Variants in RAB27B observed in about 807,000 individuals in gnomAD.
RAB27B encodes RAB27B, member RAS oncogene family, also known as ras-related protein Rab-27B.
Under a neutral mutation model 24.6 loss-of-function variants are expected in RAB27B, and 15 were observed. The observed-to-expected ratio is 0.61, with a 90% CI of 0.41 to 0.94. The LOEUF is 0.94. Ranked by LOEUF, RAB27B falls within the 40% of genes least tolerant of loss-of-function variation. The probability of loss-of-function intolerance (pLI) is 0.00; values close to 1 mark genes in which losing one functional copy is unlikely to be tolerated. For synonymous variants in RAB27B, 105 were observed against 92.5 expected, an observed-to-expected ratio of 1.14 and a Z score of -0.78; for missense variants, 261 against 266.8, an observed-to-expected ratio of 0.98 and a Z score of 0.15.
At chr18:54,799,515 TTC>T (rs1455749769) in intron 2 of RAB27B, among the ~76,000 whole-genome samples, 2 of 151,896 alleles carry the variant, frequency 1.3e-5, no homozygotes, top group Non-Finnish European at 2.9e-5. Context: ...AAATAATAAT[TTC>T]TGTTTTTTAA....
At chr18:54,807,848 C>T (rs1199284230) in intron 2 of RAB27B, among the ~76,000 whole-genome samples, 1 of 152,138 alleles carries the variant, frequency 6.6e-6, no homozygotes, top group Non-Finnish European at 1.5e-5. Context: ...AAAAGCAGTT[C>T]CATAAACAGC....
rs139276395 is a variant in RAB27B, at chr18:54,849,187, C to T, written c.-20+20487C>T. Among the ~76,000 whole-genome samples the T allele has an allele frequency of 1.2e-3, 186 of 152,286 alleles. 3 individuals are homozygous for T. The highest frequency in any genetic ancestry group is 9.1e-3 in the South Asian group (44 of 4,820). On this transcript the variant is annotated intron_variant, in intron 1 of 5. Transcript: ENST00000262094. ...TCCATGGGCCCAGCCTTGGTACACT[C>T]GGGCTAGAGAGATCTGTGAAGGGCT...
intron 1 of RAB27B, among the ~76,000 whole-genome samples, chr18:54,868,401 T>C (rs1271617683): frequency 6.6e-6 from 1 of 152,194 alleles, no homozygotes; most frequent in East Asian, 1.9e-4. Flanking sequence ...GCCAGCACCA[T>C]GCTTCCTGTA....
rs963408522 is a variant in RAB27B, at chr18:54,727,836, G to A, written c.-20+9695G>A. On this transcript the variant is annotated intron_variant, in intron 2 of 4. Coordinates refer to the RAB27B transcript ENST00000586570. The stretch of plus-strand genomic sequence containing the variant: ...AGAAAATATACATTATTATGCCACC[G>A]TTTAAAATGCTGGTGCTCCTTTATT... Among the ~76,000 whole-genome samples, 8 of 152,222 alleles carry A rather than the reference G, an allele frequency of 5.3e-5. No homozygotes were observed. The East Asian group carries it at 5.8e-4, about 11-fold the overall frequency.
rs374697242 is a variant in RAB27B, at chr18:54,789,401, T to C, written c.-20+71260T>C. On this transcript the variant is annotated intron_variant, in intron 2 of 4. Coordinates refer to the RAB27B transcript ENST00000586570. ...CATTTAAATAACAATTATTCCTTTT[T>C]AAATACTAGGTAAACAAAATATTAG... Among the ~76,000 whole-genome samples the C allele has an allele frequency of 2.0e-4, 30 of 152,260 alleles. 2 individuals are homozygous for C. In the East Asian group the frequency reaches 3.5e-3, roughly 18 times the overall value.
intron 2 of RAB27B, chr18:54,745,613 AGATGGAAATAAGCTT>A (rs1332985371): frequency 6.5e-6 from 1 of 153,216 alleles, no homozygotes; most frequent in Non-Finnish European, 1.5e-5. Flanking sequence ...CTCTAAAGCA[AGATGGAAATAAGCTT>A]GATGAAAAAT....
chr18:54,880,576 T>G (rs921065022), intron 3 of RAB27B: 1 of 152,186 alleles, frequency 6.6e-6, no homozygotes, highest in Non-Finnish European at 1.5e-5. Flanking sequence ...CTTTTTTGAC[T>G]GTGAATTCCA....
At chr18:54,818,407 C>T (rs1910186144) in intron 2 of RAB27B, among the ~76,000 whole-genome samples, 2 of 152,082 alleles carry the variant, frequency 1.3e-5, no homozygotes, top group African/African-American at 2.4e-5. Flanking sequence ...GTACAAGCAC[C>T]CTCAGAATTC....
chr18:54,784,105 C>G (rs1403185072), intron 2 of RAB27B, among the ~76,000 whole-genome samples: 2 of 152,172 alleles, frequency 1.3e-5, no homozygotes, highest in African/African-American at 4.8e-5. Flanking sequence ...AAAGGCATTG[C>G]TAACCTATGG....
chr18:54,798,840 ATC>A (rs919515313), intron 2 of RAB27B, among the ~76,000 whole-genome samples: 2 of 152,224 alleles, frequency 1.3e-5, no homozygotes, highest in Admixed American at 1.3e-4. Flanking sequence ...GTATAGCCAC[ATC>A]TTATAAATTC....
At chr18:54,877,898 TATAA>T (rs1258526905) in intron 2 of RAB27B, among the ~76,000 whole-genome samples, 160 bp downstream of exon 2, 25 of 152,320 alleles carry the variant, frequency 1.6e-4, no homozygotes, top group African/African-American at 4.6e-4. Flanking sequence ...ACTTTTCAAC[TATAA>T]ATAACATTTT....
intron 2 of RAB27B, among the ~76,000 whole-genome samples, chr18:54,729,486 G>A (rs1179809462): frequency 6.6e-6 from 1 of 152,164 alleles, no homozygotes; most frequent in Non-Finnish European, 1.5e-5. Flanking sequence ...AAATTTGAAT[G>A]AGTTTAAAAG....
At chr18:54,845,487 T>C (rs1311013142) in intron 1 of RAB27B, among the ~76,000 whole-genome samples, 3 of 150,140 alleles carry the variant, frequency 2.0e-5, no homozygotes, top group Non-Finnish European at 4.4e-5. Flanking sequence ...ATAATGAATA[T>C]AATAAAAGGA....
chr18:54,889,565 AAC>A lies in RAB27B; in HGVS notation c.*154_*155del. ...TCTATTTTAAGAAACCAGAATAGTC[AAC>A]AGTGTTCAAAAGAATTGACTAGTTA... On this transcript the variant is annotated 3_prime_UTR_variant, in exon 6 of 6. Coordinates refer to ENST00000262094, the MANE Select transcript of RAB27B (RefSeq NM_004163.4). 1 of 709,342 alleles carries A rather than the reference AAC, an allele frequency of 1.4e-6. No homozygotes were observed. Among genetic ancestry groups the A allele is most frequent in the Non-Finnish European group, 2.2e-6 (1 of 452,908 alleles). 43.9% of individuals were successfully genotyped at this position (709,342 alleles called of 1,614,324 possible).
chr18:54,864,641 G>T (rs948778456), intron 1 of RAB27B, among the ~76,000 whole-genome samples: 8 of 151,874 alleles, frequency 5.3e-5, no homozygotes, highest in African/African-American at 1.9e-4. Flanking sequence ...TTCTATAAAA[G>T]CTTCTTTGTT....
intron 2 of RAB27B, among the ~76,000 whole-genome samples, chr18:54,785,183 C>A (rs528970666): frequency 6.6e-6 from 1 of 152,104 alleles, no homozygotes; most frequent in East Asian, 1.9e-4. Context: ...CTCACTGCAA[C>A]CTTCGCCTCC....
chr18:54,865,236 T>TC (rs1366415589), intron 1 of RAB27B, among the ~76,000 whole-genome samples: 57 of 96,660 alleles, frequency 5.9e-4, no homozygotes, highest in Admixed American at 1.0e-3. Context: ...GCAATGGCCT[T>TC]TTGTGTGTGT....
At chr18:54,802,423 T>C (rs376411486) in intron 2 of RAB27B, among the ~76,000 whole-genome samples, 106 of 151,868 alleles carry the variant, frequency 7.0e-4, no homozygotes, top group African/African-American at 2.6e-3. Context: ...TATGTGGTGA[T>C]TTAAGAGTCA....
At chr18:54,815,844 G>A (rs1489926793) in intron 2 of RAB27B, among the ~76,000 whole-genome samples, 21 of 151,886 alleles carry the variant, frequency 1.4e-4, no homozygotes, top group Non-Finnish European at 2.4e-4. Flanking sequence ...GGCTGGTCTC[G>A]AACTCCTGAC....
Sources: allele counts gnomAD v4.1 joint callset (sites outside exome capture counted in the v4.1 genomes callset), GRCh38; gene constraint gnomAD v4.1.1; transcripts MANE v1.5; gene names NCBI Gene and HGNC (gene_info 2026-07-23, HGNC 2026-07-21).